Variants in CAMK4 observed in about 807,000 individuals in gnomAD.
CAMK4 encodes the protein calcium/calmodulin dependent protein kinase IV.
Under a neutral mutation model 44.9 loss-of-function variants are expected in CAMK4, and 22 were observed. The ratio of observed to expected loss-of-function variants is 0.49; its 90% CI spans 0.35 to 0.70. The LOEUF is 0.70. Among genes scored for constraint, CAMK4 ranks in the 30% least tolerant of loss-of-function variants. CAMK4 has a pLI of 0.01. For missense variants in CAMK4, 498 were observed against 586.8 expected (o/e 0.85, Z 1.56); for synonymous variants, 218 against 215.4 (o/e 1.01, Z -0.11).
chr5:111,322,274 T>C (rs1191977040), intron 1 of CAMK4, among the ~76,000 whole-genome samples: 1 of 152,010 alleles, frequency 6.6e-6, no homozygotes, highest in Non-Finnish European at 1.5e-5. Context: ...TAGGTAGGCA[T>C]GTACAACTGG....
At chr5:111,466,946 A>G (rs1754857193) in intron 7 of CAMK4, among the ~76,000 whole-genome samples, 1 of 152,190 alleles carries the variant, frequency 6.6e-6, no homozygotes, top group Non-Finnish European at 1.5e-5. Context: ...TTTATACTGT[A>G]AGGCCTTAGT....
chr5:111,429,293 T>C (rs1753344574), intron 5 of CAMK4, among the ~76,000 whole-genome samples: 1 of 151,876 alleles, frequency 6.6e-6, no homozygotes, highest in African/African-American at 2.4e-5. Flanking sequence ...ATCAGAGGTG[T>C]AAAAGGATTC....
intron 1 of CAMK4, among the ~76,000 whole-genome samples, chr5:111,284,204 G>A (rs1352104913): frequency 6.6e-6 from 1 of 152,054 alleles, no homozygotes; most frequent in East Asian, 1.9e-4. Flanking sequence ...TAGATTGCTA[G>A]AAGGTGATCA....
rs1337573412 is a variant in CAMK4, at chr5:111,355,194, T to C, written c.240+11092T>C. Among the ~76,000 whole-genome samples, 6 of 152,094 alleles carry C rather than the reference T, an allele frequency of 3.9e-5. No individual in the cohort carries two copies. In the South Asian group the frequency reaches 1.0e-3, roughly 26 times the overall value. On this transcript the variant is annotated intron_variant, in intron 2 of 10. Coordinates refer to ENST00000282356, the MANE Select transcript of CAMK4 (RefSeq NM_001744.6). Reference sequence around the variant, plus strand: ...AGACAATGAGCCGTGTCAAGTGAAGTGAAACTTCTTCAAGGATTCTGTCAG... The same window carrying C: ...AGACAATGAGCCGTGTCAAGTGAAGCGAAACTTCTTCAAGGATTCTGTCAG...
chr5:111,265,325 GT>G (rs1302359564), intron 1 of CAMK4, among the ~76,000 whole-genome samples: 2 of 152,172 alleles, frequency 1.3e-5, no homozygotes, highest in Non-Finnish European at 2.9e-5. Flanking sequence ...ATGTGGTGTG[GT>G]TTTATACTTC....
At chr5:111,398,371 A>T (rs970344371) in intron 5 of CAMK4, among the ~76,000 whole-genome samples, 1 of 152,112 alleles carries the variant, frequency 6.6e-6, no homozygotes, top group Non-Finnish European at 1.5e-5. Flanking sequence ...ACTGGGGATA[A>T]GGGGGGTTGT....
chr5:111,224,690 G>A lies in CAMK4; in HGVS notation c.161+46G>A. ...GGGGAAGCCCGCGGCGTGCACTGGG[G>A]GTTGTCCCTCTCGCAGCGACGGCTC... is the stretch of plus-strand genomic sequence containing the variant. On this transcript the variant is annotated intron_variant, in intron 1 of 10. Transcript: ENST00000282356. The surrounding 1 kb of genome is among the most constrained non-coding windows in gnomAD (Gnocchi z 5.7). The A allele has an allele frequency of 6.4e-7, 1 of 1,564,294 alleles. No homozygotes were observed. The highest frequency in any genetic ancestry group is 1.2e-5 in the South Asian group (1 of 86,502).
At chr5:111,440,237 A>C (rs566201450) in intron 5 of CAMK4, among the ~76,000 whole-genome samples, 7 of 152,316 alleles carry the variant, frequency 4.6e-5, no homozygotes, top group African/African-American at 1.7e-4. Flanking sequence ...CTCAGGAGTC[A>C]GGAGGGCATG....
chr5:111,458,887 A>G (rs1754535404), intron 7 of CAMK4, among the ~76,000 whole-genome samples: 1 of 152,194 alleles, frequency 6.6e-6, no homozygotes, highest in African/African-American at 2.4e-5. Flanking sequence ...TGACAAGGGC[A>G]GAAAATAGTA....
At chr5:111,388,630 A>T (rs2112849898) in intron 4 of CAMK4, among the ~76,000 whole-genome samples, 1 of 152,234 alleles carries the variant, frequency 6.6e-6, no homozygotes, top group Non-Finnish European at 1.5e-5. Flanking sequence ...CCATTATTTA[A>T]TAACTCTATC....
chr5:111,317,756 C>G (rs1748485872), intron 1 of CAMK4, among the ~76,000 whole-genome samples: 1 of 151,958 alleles, frequency 6.6e-6, no homozygotes, highest in Non-Finnish European at 1.5e-5. Flanking sequence ...CTCAAAAGGG[C>G]TCTGCACTTG....
chr5:111,281,150 G>A (rs1165097279), intron 1 of CAMK4, among the ~76,000 whole-genome samples: 1 of 152,196 alleles, frequency 6.6e-6, no homozygotes, highest in Non-Finnish European at 1.5e-5. Flanking sequence ...GGTGTCAAGA[G>A]ACTATTAAAG....
chr5:111,357,650 C>T (rs1169237297), intron 2 of CAMK4, among the ~76,000 whole-genome samples: 1 of 151,924 alleles, frequency 6.6e-6, no homozygotes, highest in African/African-American at 2.4e-5. Flanking sequence ...ACAGAGGATA[C>T]TAATTAAAAG....
chr5:111,475,849 A>G (rs1246875166), intron 8 of CAMK4, among the ~76,000 whole-genome samples: 1 of 152,170 alleles, frequency 6.6e-6, no homozygotes. Context: ...TTTAATGTAC[A>G]TTTAGTGGCC....
intron 1 of CAMK4, among the ~76,000 whole-genome samples, chr5:111,239,935 G>C (rs1748910149): frequency 6.6e-6 from 1 of 152,198 alleles, no homozygotes; most frequent in Admixed American, 6.5e-5. Flanking sequence ...CCCAGGGGTA[G>C]TACATGGTGC....
intron 2 of CAMK4, among the ~76,000 whole-genome samples, chr5:111,347,377 A>G (rs554668522): frequency 1.1e-3 from 170 of 152,124 alleles, no homozygotes; most frequent in African/African-American, 3.9e-3. Context: ...AATTTCTATA[A>G]GGAACCAAAC....
At chr5:111,440,483 A>T (rs559976672) in intron 5 of CAMK4, among the ~76,000 whole-genome samples, 7 of 152,066 alleles carry the variant, frequency 4.6e-5, no homozygotes, top group African/African-American at 1.7e-4. Context: ...ACTGTAAACT[A>T]TAAACACATA....
intron 4 of CAMK4, among the ~76,000 whole-genome samples, chr5:111,379,568 A>G (rs947436765): frequency 3.9e-5 from 6 of 152,096 alleles, no homozygotes; most frequent in Non-Finnish European, 8.8e-5. Flanking sequence ...TTATCTTTAA[A>G]TTTTATCAAG....
intron 4 of CAMK4, among the ~76,000 whole-genome samples, chr5:111,385,716 G>T (rs983721582): frequency 6.6e-6 from 1 of 152,042 alleles, no homozygotes; most frequent in African/African-American, 2.4e-5. Flanking sequence ...TGGGACTACA[G>T]GCACACGCCA....
Sources: allele counts gnomAD v4.1 joint callset (sites outside exome capture counted in the v4.1 genomes callset), GRCh38; gene constraint gnomAD v4.1.1; non-coding constraint Gnocchi (gnomAD v3.1); transcripts MANE v1.5; gene names NCBI Gene and HGNC (gene_info 2026-07-23, HGNC 2026-07-21).